The following MTMR7 variants were observed in gnomAD, a reference collection of about 807,000 sequenced individuals.
MTMR7 encodes myotubularin related protein 7, also known as phosphatidylinositol-3-phosphate phosphatase MTMR7.
In MTMR7, 76 loss-of-function variants were observed where a neutral mutation model predicts 81.2. The observed-to-expected ratio is 0.94, with a 90% confidence interval of 0.78 to 1.13. MTMR7 has a LOEUF of 1.13. Ranked by LOEUF, MTMR7 falls within the 50% of genes most tolerant of loss-of-function variation. The pLI is 0.00. For synonymous variants in MTMR7, 372 were observed against 289.8 expected (o/e 1.28, Z -2.88); for missense variants, 1,044 against 820.0 (o/e 1.27, Z -3.34).
chr8:17,348,046 A>G (rs755657654), intron 5 of MTMR7, among the ~76,000 whole-genome samples: 20 of 152,172 alleles, frequency 1.3e-4, no homozygotes, highest in Admixed American at 2.6e-4. Flanking sequence ...CCAGGCTACC[A>G]GGCTAGGACT....
At chr8:17,325,517 T>C (rs1453937236) in intron 7 of MTMR7, among the ~76,000 whole-genome samples, 1 of 152,208 alleles carries the variant, frequency 6.6e-6, no homozygotes, top group Admixed American at 6.5e-5. Context: ...TTCCAGTCTT[T>C]TAGAATGGAT....
At chr8:17,357,300 A>G (rs1388790368) in intron 4 of MTMR7, among the ~76,000 whole-genome samples, 1 of 152,250 alleles carries the variant, frequency 6.6e-6, no homozygotes, top group Non-Finnish European at 1.5e-5. Flanking sequence ...ACATTTATCA[A>G]GTTTTTAGAA....
rs537323872 is a variant in MTMR7 at position 17,389,335 on chromosome 8, C to T, written c.25-16095G>A. Among the ~76,000 whole-genome samples the T allele has an allele frequency of 3.4e-4, 52 of 152,260 alleles. 1 individual carries two copies. Among genetic ancestry groups the T allele is most frequent in the South Asian group, 1.5e-3 (7 of 4,818 alleles). ...ACCACAATCATATTCTCATGGGAAC[C>T]CAAGTTATTTTATTCCTAATATTCC... On this transcript the variant is annotated intron_variant, in intron 1 of 13. Coordinates refer to ENST00000180173, the MANE Select transcript of MTMR7 (RefSeq NM_004686.5).
intron 7 of MTMR7, among the ~76,000 whole-genome samples, chr8:17,327,873 C>G (rs1363248513): frequency 6.6e-6 from 1 of 152,114 alleles, no homozygotes; most frequent in African/African-American, 2.4e-5. Context: ...ACTGTTTACT[C>G]TTTTAAAAAA....
At chr8:17,307,728 C>G (rs944389385) in intron 10 of MTMR7, among the ~76,000 whole-genome samples, 1 of 152,138 alleles carries the variant, frequency 6.6e-6, no homozygotes, top group Admixed American at 6.5e-5. Context: ...GAGTTCATTT[C>G]CTTTGTAGGG....
chr8:17,342,036 C>G (rs185072751), intron 5 of MTMR7, among the ~76,000 whole-genome samples: 1 of 151,884 alleles, frequency 6.6e-6, no homozygotes, highest in Admixed American at 6.6e-5. Context: ...GGTTTGAAAC[C>G]GAAGGACAGC....
In MTMR7 at chr8:17,373,313, GT is replaced by G. The variant is rs778936155; in HGVS notation, c.25-74del. ...AATTCACGAAATAAATGATAACAGG[GT>G]AAACTCACACTTACTCCAAAATACA... On this transcript the variant is annotated intron_variant, in intron 1 of 13. Transcript: ENST00000180173. 4.2e-5 allele frequency: 63 copies of G among 1,509,584 alleles called. 1 individual carries two copies. The highest frequency in any genetic ancestry group is 5.5e-5 in the Non-Finnish European group (62 of 1,121,564). The allele number at this position is 1,509,584 out of a possible 1,614,324, so 93.5% of individuals were successfully genotyped here.
At chr8:17,355,867 C>G (rs926020163) in intron 4 of MTMR7, among the ~76,000 whole-genome samples, 1 of 152,134 alleles carries the variant, frequency 6.6e-6, no homozygotes, top group South Asian at 2.1e-4. Flanking sequence ...AATGCAAAAA[C>G]CACATCGAGA....
At chr8:17,383,388 T>C (rs532339697) in intron 1 of MTMR7, among the ~76,000 whole-genome samples, 1 of 152,276 alleles carries the variant, frequency 6.6e-6, no homozygotes, top group South Asian at 2.1e-4. Flanking sequence ...GCGCATCAGA[T>C]ACTGTGCTAG....
chr8:17,385,961 G>A (rs961501404), intron 1 of MTMR7, among the ~76,000 whole-genome samples: 1 of 152,198 alleles, frequency 6.6e-6, no homozygotes, highest in East Asian at 1.9e-4. Context: ...CAAGCTACTT[G>A]TGAAAGAACC....
chr8:17,337,627 T>G (rs1819286164), intron 6 of MTMR7, among the ~76,000 whole-genome samples: 1 of 152,204 alleles, frequency 6.6e-6, no homozygotes, highest in Non-Finnish European at 1.5e-5. Flanking sequence ...TTTTTTCTTT[T>G]TCTTTCGAGA....
intron 7 of MTMR7, among the ~76,000 whole-genome samples, chr8:17,324,032 G>T (rs1235558001): frequency 2.0e-5 from 3 of 152,046 alleles, no homozygotes; most frequent in East Asian, 3.9e-4. Context: ...CTTTTCTTTT[G>T]TCCCTTTGAT....
At chr8:17,355,339 T>C (rs1194855429) in intron 4 of MTMR7, among the ~76,000 whole-genome samples, 2 of 152,184 alleles carry the variant, frequency 1.3e-5, no homozygotes, top group Admixed American at 6.5e-5. Context: ...TAATTAACTT[T>C]ATGGTTGTTA....
chr8:17,333,431 AAAATT>A (rs1819115995), intron 6 of MTMR7, among the ~76,000 whole-genome samples: 1 of 151,254 alleles, frequency 6.6e-6, no homozygotes, highest in Non-Finnish European at 1.5e-5. Flanking sequence ...CATCATAAAT[AAAATT>A]AATAGGAGAT....
intron 1 of MTMR7, among the ~76,000 whole-genome samples, chr8:17,396,265 A>G (rs1054999645): frequency 6.6e-6 from 1 of 152,136 alleles, no homozygotes. Context: ...AGAACCAAAA[A>G]TCAGGTGAGC....
chr8:17,370,912 T>C (rs1210919866), intron 3 of MTMR7, 125 bp downstream of exon 3: 17 of 987,374 alleles, frequency 1.7e-5, no homozygotes, highest in Middle Eastern at 2.7e-4. Context: ...TATCCTCTCC[T>C]GAGAACGAGA....
intron 13 of MTMR7, chr8:17,301,937 G>A: frequency 2.1e-6 from 1 of 477,924 alleles, no homozygotes; most frequent in Non-Finnish European, 3.5e-6. Context: ...AAAATTTGTG[G>A]AACTGAGCCA....
At position 17,341,558 on chromosome 8, in the gene MTMR7, C is replaced by A. The variant is rs1007369318; in HGVS notation, c.598-61G>T. ...GGTAACTGTACCCATGAGAGACACT[C>A]TACGTGTGTCTCCAGAACAAAGAGC... On this transcript the variant is annotated intron_variant, in intron 5 of 13. Transcript: ENST00000180173. 8.3e-6 allele frequency: 13 copies of A among 1,571,546 alleles called. No homozygotes were observed. In the South Asian group the frequency reaches 1.5e-4, roughly 18 times the overall value.
chr8:17,348,481 C>G (rs1819629135), intron 5 of MTMR7, among the ~76,000 whole-genome samples: 1 of 145,782 alleles, frequency 6.9e-6, no homozygotes, highest in African/African-American at 2.5e-5. Context: ...ACCTGGGAGG[C>G]AGAGGTTGCA....
Sources: allele counts gnomAD v4.1 joint callset (sites outside exome capture counted in the v4.1 genomes callset), GRCh38; gene constraint gnomAD v4.1.1; transcripts MANE v1.5; gene names NCBI Gene and HGNC (gene_info 2026-07-23, HGNC 2026-07-21).